The following IGSF21 variants were observed in gnomAD, a reference collection of about 807,000 sequenced individuals.
IGSF21 encodes immunoglobin superfamily member 21.
A neutral mutation model predicts 46.8 loss-of-function variants in IGSF21; 28 were observed. That is an observed-to-expected ratio of 0.60 (90% CI 0.44 to 0.82). The LOEUF is 0.82. IGSF21 is among the 40% of genes least tolerant of loss of function. IGSF21 has a pLI of 0.00. For missense variants in IGSF21, 624 were observed against 665.5 expected (o/e 0.94, Z 0.69); for synonymous variants, 284 against 273.6 (o/e 1.04, Z -0.38).
At chr1:18,299,616 A>T (rs1156307634) in intron 3 of IGSF21, among the ~76,000 whole-genome samples, 1 of 152,200 alleles carries the variant, frequency 6.6e-6, no homozygotes, top group African/African-American at 2.4e-5. Flanking sequence ...GTTGCCAGGC[A>T]CTCAGCAACA....
chr1:18,110,527 C>A (rs1020256654), intron 1 of IGSF21: 1 of 152,272 alleles, frequency 6.6e-6, no homozygotes, highest in African/African-American at 2.4e-5. Context: ...GCGGTCACTG[C>A]TCGGGGAGGG....
chr1:18,206,385 A>G (rs1424096123), intron 1 of IGSF21, among the ~76,000 whole-genome samples: 2 of 151,802 alleles, frequency 1.3e-5, no homozygotes, highest in Non-Finnish European at 2.9e-5. Flanking sequence ...CCTCATCTCT[A>G]CAAGCAATAA....
rs758178371 is a variant in IGSF21 at position 18,365,283 on chromosome 1, G to T, written c.601G>T (p.Ala201Ser). Reference sequence around the variant, plus strand: ...AGTGCCCCTATCAGAGCCACCAGCTGCGAGCTCCGGCCCCCTACAGGACAG... The same window carrying T: ...AGTGCCCCTATCAGAGCCACCAGCTTCGAGCTCCGGCCCCCTACAGGACAG... ...DAVPLSEPPA[A>S]SSGPLQDSRP... Residue 201 changes from alanine (A) to serine (S), a missense_variant, in exon 6 of 10, where the codon GCG becomes TCG. Physicochemically the swap from Ala to Ser is moderately conservative, Grantham distance 99. Transcript: ENST00000251296. This position sits in a 1 kb window ranked among gnomAD's most constrained non-coding sequence, Gnocchi z 4.8. The T allele has an allele frequency of 6.2e-7, 1 of 1,613,846 alleles. No individual in the cohort carries two copies. The highest frequency in any genetic ancestry group is 8.5e-7 in the Non-Finnish European group (1 of 1,179,848).
chr1:18,355,850 T>C (rs999848785), intron 4 of IGSF21, among the ~76,000 whole-genome samples: 228 of 112,648 alleles, frequency 2.0e-3, no homozygotes, highest in Middle Eastern at 0.012. Context: ...TTTTTTTTTT[T>C]TTGAGACGGA....
rs144794684 is a variant in IGSF21 at position 18,165,859 on chromosome 1, A to G, written c.70+57661A>G. 1.8e-4 allele frequency among the ~76,000 whole-genome samples: 27 copies of G among 152,330 alleles called. No individual in the cohort carries two copies. The East Asian group carries it at 5.2e-3, about 29-fold the overall frequency. The stretch of plus-strand genomic sequence containing the variant: ...TTTTTATCTTTCTCAGCATTCCACA[A>G]GTTACTTCCTCCTTCCTTTGTTCTC... On this transcript the variant is annotated intron_variant, in intron 1 of 9. Transcript: ENST00000251296.
At chr1:18,317,844 C>T (rs2085558604) in intron 3 of IGSF21, among the ~76,000 whole-genome samples, 1 of 152,204 alleles carries the variant, frequency 6.6e-6, no homozygotes, top group Non-Finnish European at 1.5e-5. Flanking sequence ...ATTTAATCCT[C>T]TCAACAACCC....
chr1:18,182,010 T>C (rs2124469416), intron 1 of IGSF21, among the ~76,000 whole-genome samples: 1 of 152,284 alleles, frequency 6.6e-6, no homozygotes. Context: ...GATTCAGAAC[T>C]CTGGGTGACT....
At chr1:18,156,602 C>T (rs373560929) in intron 1 of IGSF21, among the ~76,000 whole-genome samples, 26 of 152,296 alleles carry the variant, frequency 1.7e-4, no homozygotes, top group African/African-American at 3.1e-4. Flanking sequence ...ACTGAGGATA[C>T]GGAGAGAGGT....
intron 1 of IGSF21, among the ~76,000 whole-genome samples, chr1:18,162,461 A>C (rs2124445758): frequency 6.6e-6 from 1 of 152,268 alleles, no homozygotes; most frequent in African/African-American, 2.4e-5. Context: ...GCAGTGCCAG[A>C]CAGCATTAGG....
At chr1:18,374,922 T>C (rs1486818706) in intron 6 of IGSF21, among the ~76,000 whole-genome samples, 1 of 151,936 alleles carries the variant, frequency 6.6e-6, no homozygotes, top group African/African-American at 2.4e-5. Context: ...CCTCACCCCT[T>C]CCTCCGGCCC....
At chr1:18,329,392 C>T (rs1280247541) in intron 3 of IGSF21, among the ~76,000 whole-genome samples, 1 of 152,230 alleles carries the variant, frequency 6.6e-6, no homozygotes, top group African/African-American at 2.4e-5. Flanking sequence ...CCTCATCCAA[C>T]ATCACATGCT....
intron 1 of IGSF21, among the ~76,000 whole-genome samples, chr1:18,219,456 C>A (rs555106774): frequency 6.6e-6 from 1 of 152,120 alleles, no homozygotes; most frequent in Admixed American, 6.5e-5. Flanking sequence ...GGACACAGGG[C>A]CAGGTGAAGG....
At chr1:18,352,290 A>G (rs1235911301) in intron 4 of IGSF21, among the ~76,000 whole-genome samples, 2 of 152,144 alleles carry the variant, frequency 1.3e-5, no homozygotes, top group Non-Finnish European at 2.9e-5. Context: ...GGTTCTTAGG[A>G]CCCTAATTTA....
chr1:18,299,276 G>GA (rs1304772045), intron 3 of IGSF21, among the ~76,000 whole-genome samples: 5 of 152,182 alleles, frequency 3.3e-5, no homozygotes, highest in Admixed American at 6.5e-5. Flanking sequence ...CTGTTCAAAT[G>GA]AAAAAAATAA....
At chr1:18,224,160 T>C (rs1417756) in intron 1 of IGSF21, among the ~76,000 whole-genome samples, 91,700 of 151,986 alleles carry the variant, frequency 0.6, 28,195 homozygotes, top group Non-Finnish European at 0.67. Context: ...GCAGGCCCCT[T>C]GCTTGTCTCA....
chr1:18,326,415 G>A (rs113391337), intron 3 of IGSF21, among the ~76,000 whole-genome samples: 4,542 of 152,284 alleles, frequency 0.03, 114 homozygotes, highest in Non-Finnish European at 0.048. Context: ...ATTGCAGGGG[G>A]TGTGTTTAAC....
chr1:18,150,864 G>A (rs1162149830), intron 1 of IGSF21, among the ~76,000 whole-genome samples: 1 of 152,242 alleles, frequency 6.6e-6, no homozygotes, highest in South Asian at 2.1e-4. Flanking sequence ...TCTGCTGGTG[G>A]GGCAAGAGTG....
chr1:18,215,460 C>T (rs1326284318), intron 1 of IGSF21, among the ~76,000 whole-genome samples: 1 of 152,180 alleles, frequency 6.6e-6, no homozygotes. Flanking sequence ...CCACCTAACC[C>T]AGATTTGGGA....
intron 3 of IGSF21, among the ~76,000 whole-genome samples, chr1:18,309,420 A>G (rs1010251617): frequency 6.6e-6 from 1 of 152,096 alleles, no homozygotes; most frequent in Non-Finnish European, 1.5e-5. Context: ...AAAAGCTTCA[A>G]TGCCCTCCCC....
Sources: gnomAD v4.1 joint callset for allele counts (sites outside exome capture counted in the v4.1 genomes callset) on GRCh38, gnomAD v4.1.1 for gene constraint, Gnocchi (gnomAD v3.1) non-coding constraint, MANE v1.5 for transcripts, NCBI Gene and HGNC (gene_info 2026-07-23, HGNC 2026-07-21) for gene names.